HPSE2: variants seen among roughly 807,000 people sequenced by gnomAD.
HPSE2 encodes the protein heparanase 2 (inactive).
In HPSE2, 38 loss-of-function variants were observed where a neutral mutation model predicts 60.5. That is an observed-to-expected ratio of 0.63 (90% CI 0.48 to 0.82). The LOEUF is 0.82. HPSE2 is among the 40% of genes least tolerant of loss of function. The pLI is 0.00. For synonymous variants in HPSE2, 295 were observed against 293.2 expected, an observed-to-expected ratio of 1.01 and a Z score of -0.06; for missense variants, 713 against 740.4, an observed-to-expected ratio of 0.96 and a Z score of 0.43.
intron 3 of HPSE2, among the ~76,000 whole-genome samples, chr10:98,789,239 G>C (rs7069491): frequency 0.035 from 5,325 of 152,274 alleles, 326 homozygotes; most frequent in African/African-American, 0.12. Context: ...CAGACCTTAA[G>C]TGGAGAAGTA....
Position 98,940,832 on chromosome 10 carries a change from CA to C in HPSE2, c.611-196777del, listed in dbSNP as rs1954973966. The stretch of plus-strand genomic sequence containing the variant: ...TGATGAACATTGATGCAAAAATCCT[CA>C]ATAAAATACTGGCAAAACAAATCCA... On this transcript the variant is annotated intron_variant, in intron 3 of 11. Coordinates refer to ENST00000370552, the MANE Select transcript of HPSE2 (RefSeq NM_021828.5). 6.4e-5 allele frequency among the ~76,000 whole-genome samples: 9 copies of C among 140,216 alleles called. No homozygotes were observed. The South Asian group carries it at 1.9e-3, about 30-fold the overall frequency. The allele number at this position is 140,216 out of a possible 152,430, so 92.0% of individuals were successfully genotyped here. A position where few individuals can be genotyped will look rare whatever the true frequency, so the allele number is the denominator to read the frequency against.
chr10:98,844,808 A>G (rs930739836), intron 3 of HPSE2, among the ~76,000 whole-genome samples: 2 of 152,230 alleles, frequency 1.3e-5, no homozygotes, highest in Non-Finnish European at 2.9e-5. Flanking sequence ...AGGTAGCAGT[A>G]TTCCCATTTT....
chr10:99,060,999 T>A (rs564302888), intron 3 of HPSE2, among the ~76,000 whole-genome samples: 1 of 152,250 alleles, frequency 6.6e-6, no homozygotes, highest in African/African-American at 2.4e-5. Flanking sequence ...AATTTAAATT[T>A]TTTTTTTATT....
chr10:98,602,456 C>T (rs1945454856), intron 9 of HPSE2, among the ~76,000 whole-genome samples: 1 of 152,142 alleles, frequency 6.6e-6, no homozygotes, highest in Non-Finnish European at 1.5e-5. Context: ...AAAGTAGTAA[C>T]TAAACCAGTC....
At chr10:98,873,550 T>G (rs1217533138) in intron 3 of HPSE2, among the ~76,000 whole-genome samples, 1 of 152,064 alleles carries the variant, frequency 6.6e-6, no homozygotes, top group Non-Finnish European at 1.5e-5. Context: ...TTCCTTTTTA[T>G]GCATCGAATA....
intron 3 of HPSE2, among the ~76,000 whole-genome samples, chr10:99,025,020 A>G (rs1347349781): frequency 2.0e-5 from 3 of 152,190 alleles, no homozygotes; most frequent in African/African-American, 4.8e-5. Context: ...AAAAACACAG[A>G]ATATTATAAC....
At chr10:98,555,565 C>T (rs1943983324) in intron 9 of HPSE2, among the ~76,000 whole-genome samples, 1 of 152,210 alleles carries the variant, frequency 6.6e-6, no homozygotes, top group Non-Finnish European at 1.5e-5. Flanking sequence ...ACAGTAAAGT[C>T]TTTGCTGCCC....
intron 3 of HPSE2, among the ~76,000 whole-genome samples, chr10:98,751,672 C>T (rs1949761771): frequency 6.6e-6 from 1 of 152,150 alleles, no homozygotes; most frequent in African/African-American, 2.4e-5. Flanking sequence ...TATCAAGTCA[C>T]ATGAACAACA....
intron 4 of HPSE2, among the ~76,000 whole-genome samples, chr10:98,741,879 T>C (rs187333990): frequency 6.6e-6 from 1 of 152,240 alleles, no homozygotes; most frequent in East Asian, 1.9e-4. Flanking sequence ...TTGAAGAATA[T>C]TTTGCCCTGT....
In HPSE2 at chr10:99,224,420, GACAC is replaced by G. The variant is rs34148639; in HGVS notation, c.448+7924_448+7927del. ...ATTCATTCTCACTCTCTTTCTCTCT[GACAC>G]ACACACACACACACACACACACACA... is the stretch of plus-strand genomic sequence containing the variant. On this transcript the variant is annotated intron_variant, in intron 2 of 11. Transcript: ENST00000370552. Among the ~76,000 whole-genome samples, 430 of 143,502 alleles carry G rather than the reference GACAC, an allele frequency of 3.0e-3. 1 individual carries two copies. The highest frequency in any genetic ancestry group is 8.5e-3 in the African/African-American group (337 of 39,696). 94.1% of individuals were successfully genotyped at this position (143,502 alleles called of 152,430 possible).
intron 5 of HPSE2, among the ~76,000 whole-genome samples, chr10:98,706,710 A>G (rs543974981): frequency 6.6e-6 from 1 of 152,168 alleles, no homozygotes; most frequent in Non-Finnish European, 1.5e-5. Flanking sequence ...CAAAACAAGG[A>G]AGAGTCAAAA....
intron 9 of HPSE2, among the ~76,000 whole-genome samples, chr10:98,512,808 C>T (rs565971210): frequency 3.5e-4 from 51 of 145,262 alleles, no homozygotes; most frequent in African/African-American, 1.4e-3. Context: ...CACTCCCACC[C>T]CCCAACACAC....
At chr10:99,282,767 A>C in the HPSE2 span, among the ~76,000 whole-genome samples, 2 of 152,230 alleles carry the variant, frequency 1.3e-5, no homozygotes, top group East Asian at 3.8e-4. Context: ...AATCAGATCA[A>C]AAAGAAATCA....
chr10:98,830,847 T>G (rs950814486), intron 3 of HPSE2, among the ~76,000 whole-genome samples: 1 of 152,214 alleles, frequency 6.6e-6, no homozygotes, highest in Non-Finnish European at 1.5e-5. Flanking sequence ...TTTTCAATAA[T>G]GGAGATGAAA....
At chr10:98,468,751 T>C (rs141185052) in intron 11 of HPSE2, among the ~76,000 whole-genome samples, 158 of 152,286 alleles carry the variant, frequency 1.0e-3, no homozygotes, top group African/African-American at 3.6e-3. Flanking sequence ...CCTGGCTGTA[T>C]GTTCCAATCT....
chr10:99,271,689 G>C, the HPSE2 span, among the ~76,000 whole-genome samples: 1 of 152,074 alleles, frequency 6.6e-6, no homozygotes, highest in African/African-American at 2.4e-5. Flanking sequence ...CATAGCCAAA[G>C]CAAGGCTAAG....
intron 3 of HPSE2, among the ~76,000 whole-genome samples, chr10:98,850,439 T>C (rs1952141796): frequency 6.6e-6 from 1 of 152,094 alleles, no homozygotes; most frequent in Non-Finnish European, 1.5e-5. Context: ...TATAGTGAGT[T>C]AAAAATATTA....
At chr10:98,960,736 T>TTTTTTTTTTTTTTTTTTTTTTTTTTTG (rs1955649820) in intron 3 of HPSE2, among the ~76,000 whole-genome samples, 1 of 49,882 alleles carries the variant, frequency 2.0e-5, no homozygotes, top group African/African-American at 6.4e-5. Context: ...ATTTTTTTTA[T>TTTTTTTTTTTTTTTTTTTTTTTTTTTG]TTTATTTTTT....
chr10:99,115,420 C>T lies in HPSE2; in HGVS notation c.610+28818G>A, dbSNP rs376558942. Among the ~76,000 whole-genome samples, 509 of 152,064 alleles carry T rather than the reference C, an allele frequency of 3.3e-3. 2 individuals carry two copies. The highest frequency in any genetic ancestry group is 0.012 in the African/African-American group (487 of 41,510). ...CCGCCCGCCTTGGCCTCCCAAAGTG[C>T]TGGGATTACAGGTGTGAGCCACCAC... On this transcript the variant is annotated intron_variant, in intron 3 of 11. Transcript: ENST00000370552.
Sources: gnomAD v4.1 joint callset for allele counts (sites outside exome capture counted in the v4.1 genomes callset) on GRCh38, gnomAD v4.1.1 for gene constraint, MANE v1.5 for transcripts, NCBI Gene and HGNC (gene_info 2026-07-23, HGNC 2026-07-21) for gene names.